Variants in LRRC1 observed in about 807,000 individuals in gnomAD.
LRRC1 encodes the protein leucine-rich repeat-containing protein 1.
LRRC1 carries 28 observed loss-of-function variants against 69.9 expected under a neutral mutation model. The ratio of observed to expected loss-of-function variants is 0.40; its 90% confidence interval spans 0.30 to 0.55. The LOEUF is 0.55. LRRC1 is among the 20% of genes least tolerant of loss of function. LRRC1 has a pLI of 0.47. For synonymous variants in LRRC1, 236 were observed against 240.2 expected, an observed-to-expected ratio of 0.98 and a Z score of 0.16; for missense variants, 498 against 609.0, an observed-to-expected ratio of 0.82 and a Z score of 1.92.
intron 13 of LRRC1, among the ~76,000 whole-genome samples, chr6:53,921,684 A>C (rs1024037531): frequency 7.2e-5 from 11 of 152,240 alleles, no homozygotes; most frequent in African/African-American, 2.4e-4. Flanking sequence ...GAACTAATTG[A>C]GAGTTTTCTT....
chr6:53,816,783 T>G (rs1351347586), intron 1 of LRRC1, among the ~76,000 whole-genome samples: 1 of 152,220 alleles, frequency 6.6e-6, no homozygotes, highest in East Asian at 1.9e-4. Flanking sequence ...TATTTCTGAT[T>G]CCTCTGCAAC....
At chr6:53,850,843 C>T (rs1343446745) in intron 2 of LRRC1, among the ~76,000 whole-genome samples, 1 of 152,066 alleles carries the variant, frequency 6.6e-6, no homozygotes, top group African/African-American at 2.4e-5. Context: ...CTTGTGATGT[C>T]ACATCTTTAT....
intron 3 of LRRC1, among the ~76,000 whole-genome samples, chr6:53,879,731 C>T (rs1221511204): frequency 1.3e-5 from 2 of 151,912 alleles, no homozygotes; most frequent in East Asian, 1.9e-4. Flanking sequence ...GTAAAGCCAC[C>T]GTGTCAGTTT....
At chr6:53,828,261 A>G (rs1447089625) in intron 1 of LRRC1, among the ~76,000 whole-genome samples, 1 of 152,148 alleles carries the variant, frequency 6.6e-6, no homozygotes, top group Non-Finnish European at 1.5e-5. Context: ...GATGTTGGAA[A>G]GGAGCACAGA....
Position 53,923,644 on chromosome 6 carries a change from C to T in LRRC1, c.*851C>T, listed in dbSNP as rs915810962. ...TTACACTTTTTTTCTGAATAAGTCT[C>T]TCATAATGAGTGCAGTGTCAGACTG... On this transcript the variant is annotated 3_prime_UTR_variant, in exon 14 of 14. Transcript: ENST00000370888. 2 of 152,556 alleles carry T rather than the reference C, an allele frequency of 1.3e-5. No homozygotes were observed. Among genetic ancestry groups the T allele is most frequent in the Admixed American group, 1.3e-4 (2 of 15,290 alleles). The allele number at this position is 152,556 out of a possible 1,614,324, so 9.5% of individuals were successfully genotyped here.
intron 7 of LRRC1, 29 bp downstream of exon 7, chr6:53,897,388 A>C: frequency 7.1e-7 from 1 of 1,412,496 alleles, no homozygotes; most frequent in South Asian, 1.2e-5. Context: ...GTGTCTCCCC[A>C]AAACATAAAA....
At chr6:53,849,671 G>A (rs1766065051) in intron 2 of LRRC1, among the ~76,000 whole-genome samples, 1 of 152,194 alleles carries the variant, frequency 6.6e-6, no homozygotes, top group African/African-American at 2.4e-5. Flanking sequence ...GGGAAAGAGG[G>A]AATGAAAAGC....
intron 2 of LRRC1, among the ~76,000 whole-genome samples, chr6:53,870,143 T>G (rs912774536): frequency 2.6e-5 from 4 of 152,206 alleles, no homozygotes; most frequent in African/African-American, 7.2e-5. Context: ...ATGTCTGGAC[T>G]TAGTCCAGCT....
intron 1 of LRRC1, among the ~76,000 whole-genome samples, chr6:53,796,981 G>A (rs1764321321): frequency 6.6e-6 from 1 of 152,140 alleles, no homozygotes; most frequent in Admixed American, 6.5e-5. Flanking sequence ...CATTATTGAA[G>A]ATGGAGTGAA....
At chr6:53,850,925 A>G (rs1291263480) in intron 2 of LRRC1, among the ~76,000 whole-genome samples, 2 of 152,168 alleles carry the variant, frequency 1.3e-5, no homozygotes, top group Non-Finnish European at 2.9e-5. Context: ...ATTTTTACGA[A>G]CTATGCCAAC....
At position 53,863,553 on chromosome 6, in the gene LRRC1, CTTTG is replaced by C. The variant is rs933978319; in HGVS notation, c.278-15434_278-15431del. On this transcript the variant is annotated intron_variant, in intron 2 of 13. Coordinates refer to ENST00000370888, the MANE Select transcript of LRRC1 (RefSeq NM_018214.5). Reference sequence around the variant, plus strand: ...GTCCTTGCTGCCTTCTGAAGAAGGACTTTGTTTGTCTTGTCTACCTCTCTGCTAG... The same window carrying C: ...GTCCTTGCTGCCTTCTGAAGAAGGACTTTGTCTTGTCTACCTCTCTGCTAG... Among the ~76,000 whole-genome samples, 10 of 152,198 alleles carry C rather than the reference CTTTG, an allele frequency of 6.6e-5. No individual in the cohort carries two copies. The East Asian group carries it at 1.5e-3, about 23-fold the overall frequency.
chr6:53,878,005 A>C (rs1229994632), intron 2 of LRRC1, among the ~76,000 whole-genome samples: 1 of 152,222 alleles, frequency 6.6e-6, no homozygotes, highest in African/African-American at 2.4e-5. Flanking sequence ...ACAGTTCCAC[A>C]TGGCTAGGGA....
rs1273046220 is a variant in LRRC1, at chr6:53,923,600, ACTG to A, written c.*810_*812del. On this transcript the variant is annotated 3_prime_UTR_variant, in exon 14 of 14. Coordinates refer to ENST00000370888, the MANE Select transcript of LRRC1 (RefSeq NM_018214.5). ...TTGAAAAGATGAACCAAAGGATTTG[ACTG>A]CTAATATTTTATTCCTTACACTTTT... 6.5e-6 allele frequency: 1 copy of A among 152,692 alleles called. No individual in the cohort carries two copies. Among genetic ancestry groups the A allele is most frequent in the African/African-American group, 2.4e-5 (1 of 41,478 alleles). The allele number at this position is 152,692 out of a possible 1,614,324, so 9.5% of individuals were successfully genotyped here. A position where few individuals can be genotyped will look rare whatever the true frequency, so the allele number is the denominator to read the frequency against.
intron 2 of LRRC1, among the ~76,000 whole-genome samples, chr6:53,869,472 C>A (rs1039926986): frequency 6.6e-6 from 1 of 152,158 alleles, no homozygotes; most frequent in African/African-American, 2.4e-5. Context: ...CTGGGAATAA[C>A]CTGCAAGCTG....
At chr6:53,843,395 G>A (rs1444840490) in intron 2 of LRRC1, among the ~76,000 whole-genome samples, 5 of 152,084 alleles carry the variant, frequency 3.3e-5, no homozygotes, top group African/African-American at 9.7e-5. Flanking sequence ...TGGAAATATG[G>A]TGAAGAAAAA....
intron 1 of LRRC1, among the ~76,000 whole-genome samples, chr6:53,835,106 A>G (rs1364189491): frequency 2.0e-5 from 3 of 148,550 alleles, no homozygotes; most frequent in Non-Finnish European, 3.0e-5. Flanking sequence ...TAATTCACAT[A>G]CCATACAATT....
intron 1 of LRRC1, 64 bp downstream of exon 1, chr6:53,795,479 T>C: frequency 6.7e-7 from 1 of 1,494,354 alleles, no homozygotes; most frequent in Non-Finnish European, 8.9e-7. Flanking sequence ...GCTCCCATCC[T>C]CTCTCGTCCC....
At chr6:53,911,519 C>T (rs914967607) in intron 10 of LRRC1, among the ~76,000 whole-genome samples, 15 of 152,156 alleles carry the variant, frequency 9.9e-5, no homozygotes, top group African/African-American at 2.7e-4. Context: ...CCCATCCGGA[C>T]GATCATATGA....
At chr6:53,892,011 T>TATATACACACACACACAC (rs1428852703) in intron 4 of LRRC1, among the ~76,000 whole-genome samples, 13 of 135,336 alleles carry the variant, frequency 9.6e-5, no homozygotes, top group African/African-American at 3.1e-4. Context: ...TATATATATA[T>TATATACACACACACACAC]ACACACACAC....
Sources: gnomAD v4.1 joint callset for allele counts (sites outside exome capture counted in the v4.1 genomes callset) on GRCh38, gnomAD v4.1.1 for gene constraint, MANE v1.5 for transcripts, NCBI Gene and HGNC (gene_info 2026-07-23, HGNC 2026-07-21) for gene names.